LRP1B: variants seen among roughly 807,000 people sequenced by gnomAD.
LRP1B encodes LDL receptor related protein 1B, also known as low-density lipoprotein receptor-related protein 1B.
Under a neutral mutation model 556.6 loss-of-function variants are expected in LRP1B, and 217 were observed. That is an observed-to-expected ratio of 0.39 (90% confidence interval 0.35 to 0.44). The LOEUF (loss-of-function observed/expected upper bound fraction) is 0.44, where lower values mean the gene tolerates loss of function less well. Among genes scored for constraint, LRP1B ranks in the 20% least tolerant of loss-of-function variants. The probability of loss-of-function intolerance (pLI) is 1.00; values close to 1 mark genes in which losing one functional copy is unlikely to be tolerated. For synonymous variants in LRP1B, 2,047 were observed against 1,865.8 expected (o/e 1.10, Z -2.50); for missense variants, 5,053 against 5,620.8 (o/e 0.90, Z 3.23).
chr2:141,465,108 G>T (rs1225217360), intron 3 of LRP1B, among the ~76,000 whole-genome samples: 2 of 152,066 alleles, frequency 1.3e-5, no homozygotes, highest in Non-Finnish European at 2.9e-5. Context: ...AAATAAAACA[G>T]AAAGAAAGTA....
Position 141,208,876 on chromosome 2 carries a change from CAAAAAAAAAAAAAAAAAAAAAAAAAAAA to C in LRP1B, c.850+20279_851-20294del, listed in dbSNP as rs57659094. 7.6e-5 allele frequency among the ~76,000 whole-genome samples: 5 copies of C among 65,486 alleles called. No homozygotes were observed. The South Asian group carries it at 3.0e-3, about 39-fold the overall frequency. 43.0% of individuals were successfully genotyped at this position (65,486 alleles called of 152,430 possible). ...AAAGCGAGATTCTGAGATTCCGTCT[CAAAAAAAAAAAAAAAAAAAAAAAAAAAA>C]AAAAAAAAAAAAAAGGGATGGGAGA... On this transcript the variant is annotated intron_variant, in intron 6 of 90. Coordinates refer to ENST00000389484, the MANE Select transcript of LRP1B (RefSeq NM_018557.3).
chr2:140,990,304 T>G (rs1362289552), intron 16 of LRP1B, among the ~76,000 whole-genome samples: 1 of 152,138 alleles, frequency 6.6e-6, no homozygotes, highest in African/African-American at 2.4e-5. Context: ...CATTTAAAAT[T>G]AACCTCAAAT....
At chr2:141,518,463 T>G (rs11681860) in intron 2 of LRP1B, among the ~76,000 whole-genome samples, 92,070 of 152,056 alleles carry the variant, frequency 0.61, 28,189 homozygotes, top group South Asian at 0.7. Flanking sequence ...TAGTGACAAT[T>G]TCAAGTGAAG....
intron 3 of LRP1B, among the ~76,000 whole-genome samples, chr2:141,439,958 A>C (rs1314639493): frequency 6.6e-6 from 1 of 152,202 alleles, no homozygotes; most frequent in African/African-American, 2.4e-5. Flanking sequence ...TAACAACTAA[A>C]GCTTGTTTTA....
intron 3 of LRP1B, among the ~76,000 whole-genome samples, chr2:141,363,369 C>T (rs913896182): frequency 7.2e-5 from 11 of 152,084 alleles, no homozygotes; most frequent in Admixed American, 5.9e-4. Flanking sequence ...TGTTAGGCCA[C>T]GTAACTACAA....
At chr2:140,612,439 C>A (rs183279514) in intron 41 of LRP1B, among the ~76,000 whole-genome samples, 26 of 152,204 alleles carry the variant, frequency 1.7e-4, no homozygotes, top group Non-Finnish European at 3.4e-4. Flanking sequence ...TCATCTTCAT[C>A]CCCATCATTC....
intron 1 of LRP1B, among the ~76,000 whole-genome samples, chr2:141,953,443 A>G (rs866273077): frequency 1.3e-5 from 2 of 152,052 alleles, no homozygotes. Flanking sequence ...AAAGCAGACT[A>G]CCTCTATCCA....
chr2:141,956,734 A>T (rs1339714092), intron 1 of LRP1B, among the ~76,000 whole-genome samples: 1 of 152,100 alleles, frequency 6.6e-6, no homozygotes, highest in Non-Finnish European at 1.5e-5. Context: ...TGTCCCTCAA[A>T]GCACTTAGCT....
At chr2:141,862,363 A>G (rs987331410) in intron 1 of LRP1B, among the ~76,000 whole-genome samples, 4 of 152,218 alleles carry the variant, frequency 2.6e-5, no homozygotes, top group Non-Finnish European at 5.9e-5. Flanking sequence ...TTAAATTACT[A>G]GAATTGGATC....
chr2:140,740,911 G>T lies in LRP1B; in HGVS notation c.5759-24095C>A, dbSNP rs139364267. 4.1e-3 allele frequency among the ~76,000 whole-genome samples: 627 copies of T among 151,956 alleles called. 5 individuals carry two copies. Among genetic ancestry groups the T allele is most frequent in the African/African-American group, 0.013 (551 of 41,438 alleles). The stretch of plus-strand genomic sequence containing the variant: ...TTTTACCTTAATTACATCTCAAAAG[G>T]CCCTAATATGGTCACATACTGAGGG... On this transcript the variant is annotated intron_variant, in intron 35 of 90. Transcript: ENST00000389484.
intron 41 of LRP1B, among the ~76,000 whole-genome samples, chr2:140,650,836 T>C (rs903429500): frequency 2.0e-5 from 3 of 152,100 alleles, no homozygotes; most frequent in Non-Finnish European, 1.5e-5. Context: ...GTGAGAGAGA[T>C]TTCCCCTCGA....
intron 2 of LRP1B, among the ~76,000 whole-genome samples, chr2:141,618,668 T>C (rs1688395541): frequency 6.6e-6 from 1 of 152,142 alleles, no homozygotes; most frequent in Non-Finnish European, 1.5e-5. Flanking sequence ...AATGAAACTA[T>C]AGAAACAGCA....
At chr2:140,907,050 G>A (rs944739999) in intron 22 of LRP1B, among the ~76,000 whole-genome samples, 2 of 150,696 alleles carry the variant, frequency 1.3e-5, no homozygotes, top group Non-Finnish European at 3.0e-5. Flanking sequence ...ATAACTTTGG[G>A]CTTCAATGTA....
chr2:140,256,469 T>C, intron 86 of LRP1B, among the ~76,000 whole-genome samples: 1 of 107,994 alleles, frequency 9.3e-6, no homozygotes, highest in South Asian at 3.6e-4. Context: ...TTTTTTTTTT[T>C]TTTTTTTTTT....
intron 2 of LRP1B, among the ~76,000 whole-genome samples, chr2:141,696,906 T>C (rs1039135879): frequency 1.3e-5 from 2 of 151,968 alleles, no homozygotes; most frequent in African/African-American, 4.8e-5. Context: ...TGGGCGATGT[T>C]AAAAGAAACA....
chr2:140,552,336 TTA>T (rs1377231340), intron 43 of LRP1B, among the ~76,000 whole-genome samples: 1 of 152,128 alleles, frequency 6.6e-6, no homozygotes, highest in Non-Finnish European at 1.5e-5. Context: ...TTTTTCAATG[TTA>T]TCACCAGAAG....
At chr2:141,751,860 GA>G (rs1694127026) in intron 2 of LRP1B, among the ~76,000 whole-genome samples, 1 of 149,536 alleles carries the variant, frequency 6.7e-6, no homozygotes, top group Non-Finnish European at 1.5e-5. Context: ...TAGTATGACT[GA>G]TTTTTTTTTA....
chr2:140,844,300 G>C (rs1017300856), intron 29 of LRP1B, among the ~76,000 whole-genome samples: 1 of 152,108 alleles, frequency 6.6e-6, no homozygotes, highest in Non-Finnish European at 1.5e-5. Flanking sequence ...CTGACCTCAG[G>C]TGATCCACCC....
chr2:141,391,063 A>G (rs1306316406), intron 3 of LRP1B, among the ~76,000 whole-genome samples: 1 of 152,224 alleles, frequency 6.6e-6, no homozygotes, highest in African/African-American at 2.4e-5. Flanking sequence ...CATTTCAATG[A>G]ATGAAGGGCG....
Sources: allele counts gnomAD v4.1 joint callset (sites outside exome capture counted in the v4.1 genomes callset), GRCh38; gene constraint gnomAD v4.1.1; transcripts MANE v1.5; gene names NCBI Gene and HGNC (gene_info 2026-07-23, HGNC 2026-07-21).